C6orf89: variants seen among roughly 807,000 people sequenced by gnomAD.
C6orf89 encodes bombesin receptor-activated protein C6orf89.
In C6orf89, 29 loss-of-function variants were observed where a neutral mutation model predicts 40.7. That is an observed-to-expected ratio of 0.71 (90% confidence interval 0.53 to 0.97). The LOEUF (loss-of-function observed/expected upper bound fraction) is 0.97, where lower values mean the gene tolerates loss of function less well. Ranked by LOEUF, C6orf89 falls within the 50% of genes least tolerant of loss-of-function variation. The pLI is 0.00. For synonymous variants in C6orf89, 165 were observed against 152.2 expected, an observed-to-expected ratio of 1.08 and a Z score of -0.62; for missense variants, 392 against 429.1, an observed-to-expected ratio of 0.91 and a Z score of 0.76.
intron 4 of C6orf89, among the ~76,000 whole-genome samples, chr6:36,907,455 C>T (rs1044722153): frequency 2.0e-5 from 3 of 152,132 alleles, no homozygotes; most frequent in African/African-American, 4.8e-5. Context: ...ATGGGTGAGA[C>T]GCTGGCCCAT....
intron 3 of C6orf89, among the ~76,000 whole-genome samples, chr6:36,901,260 G>T (rs1761673759): frequency 6.7e-6 from 1 of 149,894 alleles, no homozygotes; most frequent in Admixed American, 6.7e-5. Flanking sequence ...GGAATTACAG[G>T]TGTGAGCCAC....
In C6orf89 at chr6:36,909,858, T is replaced by G. The variant is rs149522188; in HGVS notation, c.404-4426T>G. Among the ~76,000 whole-genome samples the G allele has an allele frequency of 5.1e-3, 783 of 152,268 alleles. 7 individuals are homozygous for G. Among genetic ancestry groups the G allele is most frequent in the African/African-American group, 0.016 (671 of 41,536 alleles). On this transcript the variant is annotated intron_variant, in intron 4 of 8. Coordinates refer to ENST00000480824, the MANE Select transcript of C6orf89 (RefSeq NM_001286635.2). Reference sequence around the variant, plus strand: ...TTAGAAATACTGATTATTTGTCTCGTATATGCAAATATTGGTCAAATCTGT... The same window carrying G: ...TTAGAAATACTGATTATTTGTCTCGGATATGCAAATATTGGTCAAATCTGT...
intron 4 of C6orf89, among the ~76,000 whole-genome samples, chr6:36,907,721 G>T (rs1761978217): frequency 6.6e-6 from 1 of 152,120 alleles, no homozygotes. Context: ...GAGTAAAGAA[G>T]CCTTAGAAAT....
chr6:36,881,849 A>G (rs1774821849), upstream of C6orf89, among the ~76,000 whole-genome samples: 1 of 152,212 alleles, frequency 6.6e-6, no homozygotes, highest in Non-Finnish European at 1.5e-5. Context: ...AAAAAATAGT[A>G]AAGGGTTATA....
chr6:36,917,602 C>G lies in C6orf89; in HGVS notation c.825+1028C>G, dbSNP rs768010818. On this transcript the variant is annotated intron_variant, in intron 7 of 8. Coordinates refer to ENST00000480824, the MANE Select transcript of C6orf89 (RefSeq NM_001286635.2). ...CACCTCCTGATACTATCGCTTGGCTCCAAATTTGCTGAATTGTGTTAAAGG... is the reference window on the plus strand; with the variant it reads ...CACCTCCTGATACTATCGCTTGGCTGCAAATTTGCTGAATTGTGTTAAAGG... 1.2e-4 allele frequency among the ~76,000 whole-genome samples: 19 copies of G among 152,256 alleles called. No homozygotes were observed. In the South Asian group the frequency reaches 2.1e-3, roughly 17 times the overall value.
intron 1 of C6orf89, among the ~76,000 whole-genome samples, chr6:36,873,265 T>C (rs1408416760): frequency 6.6e-6 from 1 of 152,118 alleles, no homozygotes; most frequent in Non-Finnish European, 1.5e-5. Flanking sequence ...AAGGATACAA[T>C]ATGTGCAAGG....
intron 7 of C6orf89, among the ~76,000 whole-genome samples, chr6:36,918,068 G>T (rs953146611): frequency 1.3e-5 from 2 of 152,166 alleles, no homozygotes; most frequent in African/African-American, 4.8e-5. Flanking sequence ...CCACCCTGTT[G>T]TCCACATCCC....
In C6orf89 at chr6:36,899,514, A is replaced by G; in HGVS notation, c.70A>G (p.Thr24Ala). The G allele has an allele frequency of 6.2e-7, 1 of 1,614,148 alleles. No homozygotes were observed. Among genetic ancestry groups the G allele is most frequent in the Non-Finnish European group, 8.5e-7 (1 of 1,180,030 alleles). The stretch of plus-strand genomic sequence containing the variant: ...AGAGACTGTTGATTTGGTGAGACAG[A>G]CCGGCCATCAGTGTGGCATGTCAGA... ...LSETVDLVRQ[T>A]GHQCGMSEKA... The change falls in exon 3 of 9, where the codon ACC (threonine) becomes GCC (alanine). Residue 24 changes from threonine to alanine, a missense_variant. By Grantham distance (58) the Thr-to-Ala change is moderately conservative. Coordinates refer to ENST00000480824, the MANE Select transcript of C6orf89 (RefSeq NM_001286635.2).
intron 4 of C6orf89, among the ~76,000 whole-genome samples, chr6:36,907,819 A>C (rs1761981149): frequency 6.6e-6 from 1 of 152,216 alleles, no homozygotes; most frequent in Non-Finnish European, 1.5e-5. Context: ...GGCTGGAAAG[A>C]AGTGAGATGC....
upstream of C6orf89, among the ~76,000 whole-genome samples, chr6:36,884,070 T>C (rs1018184608): frequency 1.4e-4 from 22 of 152,208 alleles, no homozygotes; most frequent in Non-Finnish European, 5.9e-5. This position sits in a 1 kb window ranked among gnomAD's most constrained non-coding sequence, Gnocchi z 4.0. Flanking sequence ...GAGAGCAGCC[T>C]GGCCAACATG....
At chr6:36,900,578 C>T (rs1256075339) in intron 3 of C6orf89, among the ~76,000 whole-genome samples, 2 of 151,694 alleles carry the variant, frequency 1.3e-5, no homozygotes, top group Non-Finnish European at 2.9e-5. Context: ...TGGCTCACTG[C>T]AGCCTCGAAC....
chr6:36,875,350 C>T (rs1341574777), intron 1 of C6orf89, among the ~76,000 whole-genome samples: 1 of 152,162 alleles, frequency 6.6e-6, no homozygotes, highest in African/African-American at 2.4e-5. Flanking sequence ...ACTTGTTTTT[C>T]CATAGTCATA....
At chr6:36,874,804 A>G (rs1318793885) in intron 1 of C6orf89, 2 of 1,612,192 alleles carry the variant, frequency 1.2e-6, no homozygotes, top group East Asian at 2.2e-5. Flanking sequence ...CTTGTCTAGT[A>G]ATTGCTACTT....
At chr6:36,918,963 TA>T (rs1380924616) in intron 7 of C6orf89, among the ~76,000 whole-genome samples, 1 of 152,250 alleles carries the variant, frequency 6.6e-6, no homozygotes, top group African/African-American at 2.4e-5. Flanking sequence ...CATTAGTTTT[TA>T]ATCGGTAGCA....
chr6:36,907,906 G>C (rs1370077663), intron 4 of C6orf89, among the ~76,000 whole-genome samples: 1 of 152,182 alleles, frequency 6.6e-6, no homozygotes, highest in Non-Finnish European at 1.5e-5. Flanking sequence ...CTGTTTCCCA[G>C]GATGGAATTT....
intron 7 of C6orf89, among the ~76,000 whole-genome samples, chr6:36,918,490 C>G (rs923134537): frequency 2.6e-5 from 4 of 152,188 alleles, no homozygotes; most frequent in African/African-American, 9.7e-5. Context: ...GCCATGAAAA[C>G]ATTATGGGCA....
Position 36,904,009 on chromosome 6 carries a change from T to G in C6orf89, c.403+1575T>G, listed in dbSNP as rs1020236889. 9.2e-5 allele frequency among the ~76,000 whole-genome samples: 14 copies of G among 152,250 alleles called. No homozygotes were observed. In the East Asian group the frequency reaches 2.7e-3, roughly 29 times the overall value. On this transcript the variant is annotated intron_variant, in intron 4 of 8. Transcript: ENST00000480824. Reference sequence around the variant, plus strand: ...TCCTATTAGAACGGTTCAAAGTGTTTGGAGGAAACAGCGAGAGAAACTTGT... The same window carrying G: ...TCCTATTAGAACGGTTCAAAGTGTTGGGAGGAAACAGCGAGAGAAACTTGT...
chr6:36,909,170 GGTT>G (rs1289183484), intron 4 of C6orf89, among the ~76,000 whole-genome samples: 2 of 144,020 alleles, frequency 1.4e-5, no homozygotes, highest in African/African-American at 5.1e-5. Flanking sequence ...CATTTTCTAG[GGTT>G]GTTGTGGGTT....
At chr6:36,885,937 C>A, upstream of C6orf89, 2 of 1,198,354 alleles carry the variant, frequency 1.7e-6, no homozygotes, top group South Asian at 5.6e-5. Flanking sequence ...GCTTCCGGGT[C>A]GCGCTCCCGG....
Sources: allele counts gnomAD v4.1 joint callset (sites outside exome capture counted in the v4.1 genomes callset), GRCh38; gene constraint gnomAD v4.1.1; non-coding constraint Gnocchi (gnomAD v3.1); transcripts MANE v1.5; gene names NCBI Gene and HGNC (gene_info 2026-07-23, HGNC 2026-07-21).